The following AUNIP variants were observed in gnomAD, a reference collection of about 807,000 sequenced individuals.
The protein encoded by AUNIP is aurora kinase A- and ninein-interacting protein.
A neutral mutation model predicts 12.2 loss-of-function variants in AUNIP; 16 were observed. The ratio of observed to expected loss-of-function variants is 1.31; its 90% CI spans 0.88 to 1.99. AUNIP has a LOEUF of 1.99. AUNIP is among the 30% of genes most tolerant of loss of function. AUNIP has a pLI of 0.00. For missense variants in AUNIP, 411 were observed against 419.1 expected (o/e 0.98, Z 0.17); for synonymous variants, 142 against 154.8 (o/e 0.92, Z 0.61).
chr1:25,850,876 T>C (rs2048420144), intron 1 of AUNIP, among the ~76,000 whole-genome samples: 1 of 152,182 alleles, frequency 6.6e-6, no homozygotes, highest in Admixed American at 6.6e-5. Context: ...CTGGGTATCT[T>C]TTATTTCTTT....
intron 1 of AUNIP, among the ~76,000 whole-genome samples, chr1:25,845,385 C>T (rs1175869956): frequency 6.6e-6 from 1 of 152,186 alleles, no homozygotes; most frequent in Non-Finnish European, 1.5e-5. Flanking sequence ...TACCAAAAGC[C>T]CTCCATGCAT....
chr1:25,840,908 T>C (rs912476838), intron 1 of AUNIP, among the ~76,000 whole-genome samples: 1 of 152,228 alleles, frequency 6.6e-6, no homozygotes, highest in African/African-American at 2.4e-5. Flanking sequence ...AAATAGACTT[T>C]CTGCTCCAGT....
chr1:25,850,936 G>A (rs1193980539), intron 1 of AUNIP, among the ~76,000 whole-genome samples: 2 of 152,144 alleles, frequency 1.3e-5, no homozygotes, highest in Non-Finnish European at 2.9e-5. Flanking sequence ...GGTAAACAGA[G>A]TGGCAAGATC....
At position 25,834,321 on chromosome 1, in the gene AUNIP, A is replaced by C. The variant is rs1302826514; in HGVS notation, c.*672T>G. 1.7e-5 allele frequency: 17 copies of C among 984,990 alleles called. No homozygotes were observed. Among genetic ancestry groups the C allele is most frequent in the Non-Finnish European group, 2.0e-5 (17 of 829,932 alleles). The allele number at this position is 984,990 out of a possible 1,614,324, so 61.0% of individuals were successfully genotyped here. On this transcript the variant is annotated 3_prime_UTR_variant, in exon 3 of 3. Transcript: ENST00000374298. ...GGGTTAAGATCAGCCAGAGATTAAAAGCTCACACATCTGGCTGGGCGCGGT... is the reference window on the plus strand; with the variant it reads ...GGGTTAAGATCAGCCAGAGATTAAACGCTCACACATCTGGCTGGGCGCGGT...
chr1:25,845,921 G>A (rs2048380057), intron 1 of AUNIP, among the ~76,000 whole-genome samples: 1 of 152,148 alleles, frequency 6.6e-6, no homozygotes, highest in Admixed American at 6.5e-5. Flanking sequence ...TACACCCACA[G>A]AGAACTATGA....
chr1:25,841,489 A>G (rs999760996), intron 1 of AUNIP, among the ~76,000 whole-genome samples: 31 of 151,700 alleles, frequency 2.0e-4, no homozygotes, highest in African/African-American at 7.5e-4. Context: ...TACTTCTTGC[A>G]GTATTCCAAA....
chr1:25,837,392 T>C (rs1479004192), intron 2 of AUNIP, 21 bp downstream of exon 2: 2 of 1,606,424 alleles, frequency 1.2e-6, no homozygotes, highest in Non-Finnish European at 1.7e-6. Flanking sequence ...TAATGAAGTA[T>C]TCCCATATGG....
intron 1 of AUNIP, among the ~76,000 whole-genome samples, chr1:25,858,832 G>A (rs963550945): frequency 1.3e-5 from 2 of 152,150 alleles, no homozygotes; most frequent in Non-Finnish European, 2.9e-5. Context: ...CAGGTAGTTG[G>A]CCTGCAACTT....
rs2048392250 is a variant in AUNIP, at chr1:25,847,480, G to A, written c.79-9926C>T. Among the ~76,000 whole-genome samples the A allele has an allele frequency of 6.6e-6, 1 of 151,882 alleles. No homozygotes were observed. Among genetic ancestry groups the A allele is most frequent in the South Asian group, 2.1e-4 (1 of 4,808 alleles). On this transcript the variant is annotated intron_variant, in intron 1 of 2. Coordinates refer to ENST00000374298, the MANE Select transcript of AUNIP (RefSeq NM_024037.3). This position sits in a 1 kb window ranked among gnomAD's most constrained non-coding sequence, Gnocchi z 4.2. ...AGGTTTTACCATGTTGGCCAGGCTGGTCTTAAACTCCTGACCTCAAGTGAT... is the reference window on the plus strand; with the variant it reads ...AGGTTTTACCATGTTGGCCAGGCTGATCTTAAACTCCTGACCTCAAGTGAT...
intron 1 of AUNIP, among the ~76,000 whole-genome samples, chr1:25,858,129 T>C (rs1273337047): frequency 4.6e-5 from 7 of 152,132 alleles, no homozygotes; most frequent in Non-Finnish European, 1.0e-4. Flanking sequence ...ATTGTGTCAC[T>C]GCACTCCAGC....
intron 1 of AUNIP, among the ~76,000 whole-genome samples, chr1:25,843,180 A>AT (rs1471011472): frequency 1.5e-3 from 207 of 141,384 alleles, no homozygotes; most frequent in South Asian, 2.4e-3. Context: ...CTCAAAAAAA[A>AT]AAAAAATATA....
At chr1:25,842,305 A>G (rs922619608) in intron 1 of AUNIP, among the ~76,000 whole-genome samples, 11 of 152,244 alleles carry the variant, frequency 7.2e-5, no homozygotes, top group Admixed American at 7.2e-4. Context: ...CATTCGCTTA[A>G]GTCAAAGCCT....
At chr1:25,836,529 G>C (rs2124495344) in intron 2 of AUNIP, among the ~76,000 whole-genome samples, 1 of 152,280 alleles carries the variant, frequency 6.6e-6, no homozygotes, top group South Asian at 2.1e-4. Context: ...TGGAGGACAT[G>C]GAATTCCCAA....
At chr1:25,844,072 G>A (rs2048365552) in intron 1 of AUNIP, among the ~76,000 whole-genome samples, 1 of 152,146 alleles carries the variant, frequency 6.6e-6, no homozygotes, top group South Asian at 2.1e-4. Flanking sequence ...AATCTTCCAT[G>A]AAAGGAAGAG....
intron 1 of AUNIP, among the ~76,000 whole-genome samples, 178 bp from the exon 2 acceptor site, chr1:25,837,732 G>A (rs895675747): frequency 3.3e-5 from 5 of 152,018 alleles, no homozygotes; most frequent in South Asian, 2.1e-4. Context: ...CCATTGTAAC[G>A]GTGTTTTTCT....
intron 1 of AUNIP, among the ~76,000 whole-genome samples, chr1:25,838,467 C>G (rs2048321048): frequency 6.6e-6 from 1 of 151,622 alleles, no homozygotes; most frequent in South Asian, 2.1e-4. Flanking sequence ...TGTGCCACTG[C>G]ACTCCAGCCT....
Position 25,859,448 on chromosome 1 carries a change from T to G in AUNIP, c.-91A>C, listed in dbSNP as rs1050380098. ...AACCGCGGCCGCCGACGTTCGGATC[T>G]CGCGCCAACGCTGGGGGCGGGGCTA... On this transcript the variant is annotated 5_prime_UTR_variant, in exon 1 of 3. Transcript: ENST00000374298. 1.6e-6 allele frequency: 2 copies of G among 1,217,640 alleles called. No homozygotes were observed. Among genetic ancestry groups the G allele is most frequent in the African/African-American group, 3.3e-5 (2 of 61,536 alleles). 75.4% of individuals were successfully genotyped at this position (1,217,640 alleles called of 1,614,324 possible).
At chr1:25,839,368 G>C (rs1201318747) in intron 1 of AUNIP, among the ~76,000 whole-genome samples, 1 of 152,202 alleles carries the variant, frequency 6.6e-6, no homozygotes, top group Non-Finnish European at 1.5e-5. Context: ...ACCTACACAT[G>C]TATTAGGTGA....
intron 2 of AUNIP, among the ~76,000 whole-genome samples, chr1:25,836,616 G>A (rs7516375): frequency 0.79 from 119,502 of 152,182 alleles, 47,182 homozygotes; most frequent in East Asian, 0.98. Context: ...TCTACAATAA[G>A]AATTATACTG....
Sources: gnomAD v4.1 joint callset for allele counts (sites outside exome capture counted in the v4.1 genomes callset) on GRCh38, gnomAD v4.1.1 for gene constraint, Gnocchi (gnomAD v3.1) non-coding constraint, MANE v1.5 for transcripts, NCBI Gene and HGNC (gene_info 2026-07-23, HGNC 2026-07-21) for gene names.